BIRC6: variants seen among roughly 807,000 people sequenced by gnomAD.
The protein encoded by BIRC6 is dual E2 ubiquitin-conjugating enzyme/E3 ubiquitin-protein ligase BIRC6.
A neutral mutation model predicts 503.3 loss-of-function variants in BIRC6; 98 were observed. The ratio of observed to expected loss-of-function variants is 0.19; its 90% CI spans 0.17 to 0.23. BIRC6 has a LOEUF of 0.23. Among genes scored for constraint, BIRC6 ranks in the 10% least tolerant of loss-of-function variants. The pLI is 1.00. For missense variants in BIRC6, 5,360 were observed against 5,806.0 expected (o/e 0.92, Z 2.50); for synonymous variants, 2,240 against 2,078.7 (o/e 1.08, Z -2.11).
At chr2:32,378,505 A>G (rs1304827352) in intron 2 of BIRC6, among the ~76,000 whole-genome samples, 2 of 151,634 alleles carry the variant, frequency 1.3e-5, no homozygotes, top group African/African-American at 4.8e-5. Flanking sequence ...TCACCCAGGC[A>G]GGAGTGCAGT....
chr2:32,477,329 G>A, intron 34 of BIRC6, 39 bp from the exon 35 acceptor site: 1 of 1,584,942 alleles, frequency 6.3e-7, no homozygotes, highest in Middle Eastern at 1.7e-4. Flanking sequence ...TTTTCATTAA[G>A]TAAACATTGA....
At chr2:32,554,120 A>G (rs1171878778) in intron 65 of BIRC6, among the ~76,000 whole-genome samples, 1 of 152,226 alleles carries the variant, frequency 6.6e-6, no homozygotes, top group African/African-American at 2.4e-5. Flanking sequence ...ATGTTACTTT[A>G]GAGACCCTCA....
intron 53 of BIRC6, among the ~76,000 whole-genome samples, 170 bp downstream of exon 53, chr2:32,510,804 T>C (rs1329583741): frequency 6.6e-6 from 1 of 152,224 alleles, no homozygotes; most frequent in Admixed American, 6.5e-5. Context: ...TTCATGAACA[T>C]TAGACATACA....
At chr2:32,395,395 C>G (rs2039761345) in intron 5 of BIRC6, 116 bp from the exon 6 acceptor site, 2 of 748,238 alleles carry the variant, frequency 2.7e-6, no homozygotes, top group Non-Finnish European at 4.2e-6. Flanking sequence ...GGCTAATTTT[C>G]TTATTTTCAG....
At chr2:32,462,021 G>T (rs529544563) in intron 23 of BIRC6, among the ~76,000 whole-genome samples, 1 of 151,362 alleles carries the variant, frequency 6.6e-6, no homozygotes, top group Admixed American at 6.6e-5. Context: ...ATTTCTCTGA[G>T]CCTTCTTTAC....
chr2:32,597,909 C>T lies in BIRC6; in HGVS notation c.13771C>T (p.Leu4591=). The T allele has an allele frequency of 6.2e-7, 1 of 1,613,824 alleles. No individual in the cohort carries two copies. Among genetic ancestry groups the T allele is most frequent in the Non-Finnish European group, 8.5e-7 (1 of 1,179,894 alleles). The change falls in exon 69 of 74, where the codon CTG becomes TTG. Residue 4591 remains leucine (L), a synonymous_variant. Coordinates refer to ENST00000421745, the MANE Select transcript of BIRC6 (RefSeq NM_016252.4). ...EAVTLSTSLP[L]SSSSSVFVRC... is the part of the protein sequence containing the mutation. ...TGTGACGCTTTCAACCTCACTGCCT[C>T]TGTCTTCATCCTCTAGTGTGTTTGT...
Position 32,464,691 on chromosome 2 carries a change from A to T in BIRC6, c.5124A>T (p.Pro1708=), listed in dbSNP as rs367768129. Reference sequence around the variant, plus strand: ...CAACACCTCTTTTTATGACTCCACCACTCACTCCACCCAATGAAGCAGTTT... The same window carrying T: ...CAACACCTCTTTTTATGACTCCACCTCTCACTCCACCCAATGAAGCAGTTT... ...PKTTPLFMTP[P]LTPPNEAVSV... Residue 1708 remains proline (P), a synonymous_variant, in exon 25 of 74, where the codon CCA becomes CCT. Coordinates refer to ENST00000421745, the MANE Select transcript of BIRC6 (RefSeq NM_016252.4). 9.8e-5 allele frequency: 158 copies of T among 1,613,594 alleles called. No homozygotes were observed. Among genetic ancestry groups the T allele is most frequent in the Non-Finnish European group, 1.3e-4 (152 of 1,179,852 alleles).
chr2:32,586,688 G>A (rs1258092280), intron 66 of BIRC6, among the ~76,000 whole-genome samples: 1 of 151,772 alleles, frequency 6.6e-6, no homozygotes, highest in Non-Finnish European at 1.5e-5. Flanking sequence ...TGAAGTCCTG[G>A]GATTACAAAT....
chr2:32,420,992 T>C (rs1185602465), intron 10 of BIRC6, among the ~76,000 whole-genome samples: 4 of 151,810 alleles, frequency 2.6e-5, no homozygotes, highest in Admixed American at 2.6e-4. Context: ...CATTTTTTTC[T>C]TTGTTATTTT....
chr2:32,527,214 A>G (rs917470958), intron 59 of BIRC6: 1 of 152,238 alleles, frequency 6.6e-6, no homozygotes, highest in African/African-American at 2.4e-5. Context: ...ATCACCACAG[A>G]CATCTTTTCT....
intron 65 of BIRC6, among the ~76,000 whole-genome samples, chr2:32,561,089 T>C (rs2150685223): frequency 6.6e-6 from 1 of 151,714 alleles, no homozygotes; most frequent in Non-Finnish European, 1.5e-5. Flanking sequence ...TCCCAGCTAC[T>C]TGGGAGGCTG....
At chr2:32,584,459 G>A (rs1346409235) in intron 66 of BIRC6, among the ~76,000 whole-genome samples, 1 of 152,092 alleles carries the variant, frequency 6.6e-6, no homozygotes, top group Non-Finnish European at 1.5e-5. Flanking sequence ...CTTCAACCGG[G>A]GAGGCGGAGG....
At chr2:32,603,934 A>C (rs1200316938) in intron 71 of BIRC6, among the ~76,000 whole-genome samples, 1 of 151,816 alleles carries the variant, frequency 6.6e-6, no homozygotes, top group African/African-American at 2.4e-5. Context: ...ATTGATTTTT[A>C]ACTCAGATTC....
chr2:32,536,237 T>G (rs908803118), intron 61 of BIRC6, among the ~76,000 whole-genome samples: 1 of 152,140 alleles, frequency 6.6e-6, no homozygotes, highest in Non-Finnish European at 1.5e-5. Context: ...TTGCAAAAAT[T>G]TTGTCCTATT....
rs565406464 is a variant in BIRC6, at chr2:32,415,217, A to C, written c.1926A>C (p.Ala642=). The C allele has an allele frequency of 3.1e-6, 5 of 1,613,972 alleles. No homozygotes were observed. The African/African-American group carries it at 6.7e-5, about 22-fold the overall frequency. Residue 642 remains alanine (A), a synonymous_variant, in exon 10 of 74, where the codon GCA becomes GCC. Transcript: ENST00000421745. ...LYSIKESDEK[A]GKIFSQMNNI... is the part of the protein sequence containing the mutation. ...GCATCAAGGAATCTGATGAGAAAGC[A>C]GGAAAGATCTTTTCACAGATGAACA...
intron 45 of BIRC6, among the ~76,000 whole-genome samples, chr2:32,499,185 C>T (rs1273752499): frequency 3.9e-5 from 6 of 152,066 alleles, no homozygotes; most frequent in South Asian, 2.1e-4. Flanking sequence ...TTTACAATAG[C>T]GTTATTTGAG....
chr2:32,469,752 G>T, intron 30 of BIRC6, 138 bp downstream of exon 30: 1 of 761,838 alleles, frequency 1.3e-6, no homozygotes, highest in Non-Finnish European at 2.2e-6. Flanking sequence ...GAAATGACCA[G>T]TGAAGGGCAC....
chr2:32,470,966 A>T (rs2049036022), intron 31 of BIRC6, 48 bp from the exon 32 acceptor site: 1 of 1,539,550 alleles, frequency 6.5e-7, no homozygotes, highest in African/African-American at 1.4e-5. Context: ...CTAATTAGGA[A>T]TCCTAAAGTC....
chr2:32,491,351 A>G, intron 43 of BIRC6, 74 bp from the exon 44 acceptor site: 2 of 1,376,952 alleles, frequency 1.5e-6, no homozygotes, highest in Non-Finnish European at 1.9e-6. Context: ...TGGAACTAAA[A>G]GATGCTTTCA....
Sources: gnomAD v4.1 joint callset for allele counts (sites outside exome capture counted in the v4.1 genomes callset) on GRCh38, gnomAD v4.1.1 for gene constraint, MANE v1.5 for transcripts, NCBI Gene and HGNC (gene_info 2026-07-23, HGNC 2026-07-21) for gene names.